The following PLEKHO2 variants were observed in gnomAD, a reference collection of about 807,000 sequenced individuals.
PLEKHO2 encodes the protein pleckstrin homology domain-containing family O member 2.
A neutral mutation model predicts 32.7 loss-of-function variants in PLEKHO2; 20 were observed. The observed-to-expected ratio is 0.61, with a 90% CI of 0.43 to 0.89. PLEKHO2 has a LOEUF of 0.89. Ranked by LOEUF, PLEKHO2 falls within the 40% of genes least tolerant of loss-of-function variation. PLEKHO2 has a pLI of 0.00. For missense variants in PLEKHO2, 568 were observed against 621.2 expected, an observed-to-expected ratio of 0.91 and a Z score of 0.91; for synonymous variants, 247 against 246.3, an observed-to-expected ratio of 1.00 and a Z score of -0.03.
chr15:64,845,846 G>C (rs1179065742), intron 1 of PLEKHO2, among the ~76,000 whole-genome samples: 1 of 152,204 alleles, frequency 6.6e-6, no homozygotes, highest in Non-Finnish European at 1.5e-5. Context: ...TTAGAAAGGG[G>C]TGTGAGATCC....
At position 64,861,483 on chromosome 15, in the gene PLEKHO2, G is replaced by A. The variant is rs2084640864; in HGVS notation, c.391G>A (p.Val131Met). ...GKNKAFDEVK[V>M]DKSCALEHVT... is the part of the protein sequence containing the mutation. ...TGGTTCCCCCTCCCTCCAGGTAAAG[G>A]TGGACAAGAGCTGCGCCCTGGAGCA... Residue 131 changes from valine (V) to methionine (M), a missense_variant, in exon 5 of 6, where the codon GTG (valine) becomes ATG (methionine). By Grantham distance (21) the Val-to-Met change is conservative. Transcript: ENST00000323544. 1.3e-6 allele frequency: 2 copies of A among 1,599,472 alleles called. No homozygotes were observed. The highest frequency in any genetic ancestry group is 4.5e-5 in the East Asian group (2 of 44,206).
chr15:64,861,331 G>A (rs1431745019), intron 4 of PLEKHO2, 146 bp from the exon 5 acceptor site: 18 of 586,480 alleles, frequency 3.1e-5, no homozygotes, highest in Non-Finnish European at 5.1e-5. Context: ...GCATTGCAGA[G>A]TTAGAGAAGC....
intron 2 of PLEKHO2, among the ~76,000 whole-genome samples, chr15:64,853,680 A>G (rs958336087): frequency 1.3e-5 from 2 of 152,072 alleles, no homozygotes; most frequent in Non-Finnish European, 2.9e-5. Context: ...GTGCAGAGCA[A>G]CCTACTGCCT....
chr15:64,865,246 C>T lies in PLEKHO2; in HGVS notation c.831C>T (p.Pro277=), dbSNP rs147076376. ...AACTGAAGGTGAGCTGGGAGAACCCCAGCCCCCAGGAGGCCCCTGCTGCAG... is the reference window on the plus strand; with the variant it reads ...AACTGAAGGTGAGCTGGGAGAACCCTAGCCCCCAGGAGGCCCCTGCTGCAG... The part of the protein sequence containing the change: ...PDKLKVSWEN[P]SPQEAPAAES... The change falls in exon 6 of 6, where the codon CCC becomes CCT. Residue 277 remains proline (P), a synonymous_variant. Transcript: ENST00000323544. 2.0e-5 allele frequency: 33 copies of T among 1,614,040 alleles called. No individual in the cohort carries two copies. In the African/African-American group the frequency reaches 4.4e-4, roughly 22 times the overall value.
At chr15:64,858,774 A>C (rs832883) in intron 3 of PLEKHO2, among the ~76,000 whole-genome samples, 107,452 of 152,002 alleles carry the variant, frequency 0.71, 38,804 homozygotes, top group East Asian at 0.93. Flanking sequence ...AAACTGTGGT[A>C]AAAAAAAATT....
At chr15:64,853,593 C>T (rs1037726098) in intron 2 of PLEKHO2, among the ~76,000 whole-genome samples, 17 of 152,054 alleles carry the variant, frequency 1.1e-4, no homozygotes, top group African/African-American at 1.9e-4. Context: ...CGCACCCAGC[C>T]GGGAGTTTGC....
chr15:64,848,983 C>CT (rs911070234), intron 2 of PLEKHO2, among the ~76,000 whole-genome samples: 25 of 148,418 alleles, frequency 1.7e-4, no homozygotes, highest in East Asian at 3.9e-4. Flanking sequence ...AAACTTAATT[C>CT]TTTTTTTTTT....
chr15:64,854,588 C>T (rs973044627), intron 2 of PLEKHO2, among the ~76,000 whole-genome samples: 1 of 152,252 alleles, frequency 6.6e-6, no homozygotes, highest in African/African-American at 2.4e-5. Context: ...CAGATCTCTG[C>T]CTGGCCTCTG....
chr15:64,845,689 C>T (rs1000185570), intron 1 of PLEKHO2, among the ~76,000 whole-genome samples: 8 of 152,220 alleles, frequency 5.3e-5, no homozygotes, highest in Admixed American at 5.2e-4. Context: ...AGGACCTGGA[C>T]TTGTTTCTGT....
intron 5 of PLEKHO2, among the ~76,000 whole-genome samples, chr15:64,863,262 G>A (rs2084655503): frequency 6.6e-6 from 1 of 152,094 alleles, no homozygotes; most frequent in Admixed American, 6.5e-5. Context: ...AAAAGGAGTC[G>A]ATTTAGGGCT....
chr15:64,859,782 C>A, intron 3 of PLEKHO2, 112 bp from the exon 4 acceptor site: 1 of 841,714 alleles, frequency 1.2e-6, no homozygotes, highest in Non-Finnish European at 2.0e-6. Flanking sequence ...TCATACTTAA[C>A]TGTGGGGTCA....
chr15:64,866,010 T>A lies in PLEKHO2; in HGVS notation c.*122T>A. On this transcript the variant is annotated 3_prime_UTR_variant, in exon 6 of 6. Coordinates refer to ENST00000323544, the MANE Select transcript of PLEKHO2 (RefSeq NM_025201.5). The stretch of plus-strand genomic sequence containing the variant: ...GGCTGCAGGAGGGCCATTGGGCATG[T>A]CAGGGTTTGGCCATGACCCGAAGAG... 2.0e-5 allele frequency: 26 copies of A among 1,311,228 alleles called. No individual in the cohort carries two copies. The highest frequency in any genetic ancestry group is 2.7e-5 in the Non-Finnish European group (26 of 978,236). The allele number at this position is 1,311,228 out of a possible 1,614,324, so 81.2% of individuals were successfully genotyped here. A position where few individuals can be genotyped will look rare whatever the true frequency, so the allele number is the denominator to read the frequency against.
In PLEKHO2 at chr15:64,848,708, T is replaced by TCTGC; in HGVS notation, c.130_133dup (p.Gln45LeufsTer9). On this transcript the variant is annotated frameshift_variant, in exon 2 of 6. Coordinates refer to ENST00000323544, the MANE Select transcript of PLEKHO2 (RefSeq NM_025201.5). LOFTEE classifies it high-confidence loss of function. Reference sequence around the variant, plus strand: ...TTCTGGAAAGACCGATATCTGCTCCTCTGCCAGGCCCAGCTGCTGGTCTAT... The same window carrying TCTGC: ...TTCTGGAAAGACCGATATCTGCTCCTCTGCCTGCCAGGCCCAGCTGCTGGTCTAT... 1 of 1,614,180 alleles carries TCTGC rather than the reference T, an allele frequency of 6.2e-7. No homozygotes were observed. The highest frequency in any genetic ancestry group is 8.5e-7 in the Non-Finnish European group (1 of 1,180,034).
intron 3 of PLEKHO2, 109 bp downstream of exon 3, chr15:64,855,146 T>C: frequency 1.2e-6 from 1 of 811,580 alleles, no homozygotes; most frequent in South Asian, 1.6e-5. Flanking sequence ...TGTTTTCCGT[T>C]GCGTGTGGCT....
At position 64,865,852 on chromosome 15, in the gene PLEKHO2, G is replaced by A; in HGVS notation, c.1437G>A (p.Lys479=). ...CACCTGGGCTAAGGGAGAAGCGGAA[G>A]GAGCTGGTGACCCTCTACAGGAGAA... ...QEAPGLREKR[K]ELVTLYRRSA... Residue 479 remains lysine, a synonymous_variant, in exon 6 of 6, where the codon AAG becomes AAA. Coordinates refer to ENST00000323544, the MANE Select transcript of PLEKHO2 (RefSeq NM_025201.5). 1 of 1,610,284 alleles carries A rather than the reference G, an allele frequency of 6.2e-7. No individual in the cohort carries two copies. Among genetic ancestry groups the A allele is most frequent in the Non-Finnish European group, 8.5e-7 (1 of 1,179,990 alleles).
In PLEKHO2 at chr15:64,848,681, G is replaced by C; in HGVS notation, c.101G>C (p.Gly34Ala). ...AAGAAGAGCAGTGGGGGCCTCCTGG[G>C]TTTCTGGAAAGACCGATATCTGCTC... ...WIKKSSGGLL[G>A]FWKDRYLLLC... Residue 34 changes from glycine to alanine, a missense_variant, in exon 2 of 6, where the codon GGT becomes GCT. Physicochemically the swap from Gly to Ala is moderately conservative, Grantham distance 60. Transcript: ENST00000323544. 2 of 1,614,160 alleles carry C rather than the reference G, an allele frequency of 1.2e-6. No individual in the cohort carries two copies. Among genetic ancestry groups the C allele is most frequent in the Non-Finnish European group, 1.7e-6 (2 of 1,180,032 alleles).
chr15:64,865,845 A>G lies in PLEKHO2; in HGVS notation c.1430A>G (p.Lys477Arg). The change falls in exon 6 of 6, where the codon AAG becomes AGG. Residue 477 changes from lysine to arginine, a missense_variant. By Grantham distance (26) the Lys-to-Arg change is conservative. Coordinates refer to ENST00000323544, the MANE Select transcript of PLEKHO2 (RefSeq NM_025201.5). ...CAGGAAGCACCTGGGCTAAGGGAGA[A>G]GCGGAAGGAGCTGGTGACCCTCTAC... ...LSQEAPGLREKRKELVTLYRR... is the reference protein window; with the variant it reads ...LSQEAPGLRERRKELVTLYRR... The G allele has an allele frequency of 1.9e-6, 3 of 1,611,306 alleles. No homozygotes were observed. Among genetic ancestry groups the G allele is most frequent in the Admixed American group, 1.7e-5 (1 of 60,018 alleles).
chr15:64,849,291 G>A (rs748174165), intron 2 of PLEKHO2, among the ~76,000 whole-genome samples: 2 of 152,070 alleles, frequency 1.3e-5, no homozygotes, highest in Non-Finnish European at 2.9e-5. Context: ...GGGATTACAG[G>A]CATGCACCAC....
At chr15:64,848,274 C>T (rs2084537766) in intron 1 of PLEKHO2, among the ~76,000 whole-genome samples, 1 of 152,174 alleles carries the variant, frequency 6.6e-6, no homozygotes, top group Admixed American at 6.5e-5. Context: ...GTCGAGTCAT[C>T]CTCCATTCTG....
Sources: gnomAD v4.1 joint callset for allele counts (sites outside exome capture counted in the v4.1 genomes callset) on GRCh38, gnomAD v4.1.1 for gene constraint, MANE v1.5 for transcripts, NCBI Gene and HGNC (gene_info 2026-07-23, HGNC 2026-07-21) for gene names.